CLSTN2: variants seen among roughly 807,000 people sequenced by gnomAD.
The protein encoded by CLSTN2 is calsyntenin-2.
In CLSTN2, 48 loss-of-function variants were observed where a neutral mutation model predicts 101.2. The observed-to-expected ratio is 0.47, with a 90% CI of 0.38 to 0.60. The LOEUF is 0.60. CLSTN2 is among the 20% of genes least tolerant of loss of function. The pLI, the probability that CLSTN2 is intolerant of heterozygous loss-of-function variation, is 0.00. For synonymous variants in CLSTN2, 481 were observed against 463.6 expected (o/e 1.04, Z -0.48); for missense variants, 1,160 against 1,238.2 (o/e 0.94, Z 0.95).
At chr3:140,077,243 C>T (rs1433989433) in intron 1 of CLSTN2, among the ~76,000 whole-genome samples, 4 of 152,182 alleles carry the variant, frequency 2.6e-5, no homozygotes, top group Non-Finnish European at 5.9e-5. Context: ...AGTCCTAGCT[C>T]TCTTCTGGGC....
chr3:140,117,819 C>T (rs1308798306), intron 1 of CLSTN2, among the ~76,000 whole-genome samples: 1 of 152,166 alleles, frequency 6.6e-6, no homozygotes, highest in South Asian at 2.1e-4. Flanking sequence ...GGTTACAGAG[C>T]TCAGGGCAGG....
chr3:140,448,570 T>A lies in CLSTN2; in HGVS notation c.839T>A (p.Phe280Tyr). 6.2e-7 allele frequency: 1 copy of A among 1,614,088 alleles called. No individual in the cohort carries two copies. Among genetic ancestry groups the A allele is most frequent in the Non-Finnish European group, 8.5e-7 (1 of 1,179,990 alleles). ...CCTGGCTCCGGGAGCATGCCCCTGTTCCCCAGCATCCACCTGGAGACGTGC... is the reference window on the plus strand; with the variant it reads ...CCTGGCTCCGGGAGCATGCCCCTGTACCCCAGCATCCACCTGGAGACGTGC... ...YQPGSGSMPL[F>Y]PSIHLETCDG... Residue 280 changes from phenylalanine to tyrosine, a missense_variant, in exon 6 of 17, where the codon TTC becomes TAC. Coordinates refer to ENST00000458420, the MANE Select transcript of CLSTN2 (RefSeq NM_022131.3).
intron 8 of CLSTN2, among the ~76,000 whole-genome samples, chr3:140,516,340 A>G (rs349564): frequency 1 from 152,287 of 152,310 alleles, 76,132 homozygotes; most frequent in Non-Finnish European, 1. Flanking sequence ...TTCAATATCA[A>G]TATTGATATG....
At chr3:139,974,564 A>G (rs1935778340) in intron 1 of CLSTN2, among the ~76,000 whole-genome samples, 1 of 152,220 alleles carries the variant, frequency 6.6e-6, no homozygotes, top group Non-Finnish European at 1.5e-5. Context: ...AGCTGCATTG[A>G]CTGAATTTAC....
At chr3:140,478,392 A>G (rs1359241300) in intron 8 of CLSTN2, among the ~76,000 whole-genome samples, 1 of 152,036 alleles carries the variant, frequency 6.6e-6, no homozygotes, top group Non-Finnish European at 1.5e-5. Context: ...GTGTCCATGT[A>G]TGAAATGCTA....
At chr3:140,205,567 G>A (rs1292294654) in intron 2 of CLSTN2, among the ~76,000 whole-genome samples, 1 of 151,374 alleles carries the variant, frequency 6.6e-6, no homozygotes, top group African/African-American at 2.4e-5. Flanking sequence ...AAGCCACAGA[G>A]GAGGTAAGGA....
chr3:140,305,322 A>C (rs1461206415), intron 2 of CLSTN2, among the ~76,000 whole-genome samples: 1 of 152,160 alleles, frequency 6.6e-6, no homozygotes, highest in Non-Finnish European at 1.5e-5. Context: ...ATCTCTTAAT[A>C]CTTTCAGAAA....
chr3:140,130,744 G>A (rs747644647), intron 1 of CLSTN2, among the ~76,000 whole-genome samples: 1 of 152,170 alleles, frequency 6.6e-6, no homozygotes, highest in Non-Finnish European at 1.5e-5. Flanking sequence ...GGCCTTCTCA[G>A]GGGAAGAAAG....
chr3:140,306,848 TTTA>T (rs57111372), intron 2 of CLSTN2, among the ~76,000 whole-genome samples: 59,019 of 141,762 alleles, frequency 0.42, 12,569 homozygotes, highest in Non-Finnish European at 0.46. Context: ...TTTTTGTCTT[TTTA>T]TTATTATTAT....
chr3:140,337,104 G>A (rs1292447572), intron 2 of CLSTN2, among the ~76,000 whole-genome samples: 2 of 152,298 alleles, frequency 1.3e-5, no homozygotes, highest in Non-Finnish European at 2.9e-5. Flanking sequence ...TACTTCTTGG[G>A]AGCTGTCACT....
chr3:140,167,403 G>A (rs1234342644), intron 1 of CLSTN2, among the ~76,000 whole-genome samples: 1 of 152,140 alleles, frequency 6.6e-6, no homozygotes, highest in East Asian at 1.9e-4. Context: ...GTAATCCTGG[G>A]TTAGCTTGAC....
Position 140,556,604 on chromosome 3 carries a change from A to G in CLSTN2, c.1766A>G (p.Asn589Ser). ...NRALQKVSYI[N>S]SRQFPTAGVR... ...GCTCTCCAGAAAGTCTCCTACATCA[A>G]CTCCAGGCAGTTCCCAACGGCGGGT... Residue 589 changes from asparagine to serine, a missense_variant, in exon 11 of 17, where the codon AAC becomes AGC. Physicochemically the swap from Asn to Ser is conservative, Grantham distance 46. Coordinates refer to ENST00000458420, the MANE Select transcript of CLSTN2 (RefSeq NM_022131.3). The G allele has an allele frequency of 6.2e-7, 1 of 1,613,970 alleles. No individual in the cohort carries two copies. The highest frequency in any genetic ancestry group is 8.5e-7 in the Non-Finnish European group (1 of 1,179,966).
chr3:140,133,757 A>G (rs1560105049), intron 1 of CLSTN2, among the ~76,000 whole-genome samples: 1 of 152,198 alleles, frequency 6.6e-6, no homozygotes, highest in Non-Finnish European at 1.5e-5. Context: ...AAGGTACTCA[A>G]TGCAGTGCAG....
intron 2 of CLSTN2, among the ~76,000 whole-genome samples, chr3:140,388,109 T>C (rs928371404): frequency 6.6e-6 from 1 of 152,214 alleles, no homozygotes; most frequent in African/African-American, 2.4e-5. Context: ...ATTAAAGTAA[T>C]GGAGATACAA....
intron 5 of CLSTN2, among the ~76,000 whole-genome samples, chr3:140,446,937 C>G (rs553141293): frequency 1.3e-4 from 20 of 152,252 alleles, no homozygotes; most frequent in African/African-American, 3.4e-4. Context: ...ACTGCTGTAC[C>G]CTTTGTACTC....
rs554988446 is a variant in CLSTN2, at chr3:140,404,835, A to G, written c.637+69A>G. The G allele has an allele frequency of 2.3e-6, 3 of 1,301,722 alleles. No homozygotes were observed. In the African/African-American group the frequency reaches 4.4e-5, roughly 19 times the overall value. The allele number at this position is 1,301,722 out of a possible 1,614,324, so 80.6% of individuals were successfully genotyped here. The stretch of plus-strand genomic sequence containing the variant: ...CCATCGCCTCCACTCTGAAGACCCA[A>G]CATGGGCTCTGAATATGCTTGGCAA... On this transcript the variant is annotated intron_variant, in intron 4 of 16. Coordinates refer to ENST00000458420, the MANE Select transcript of CLSTN2 (RefSeq NM_022131.3).
chr3:140,322,268 A>G (rs2087290992), intron 2 of CLSTN2, among the ~76,000 whole-genome samples: 1 of 152,228 alleles, frequency 6.6e-6, no homozygotes, highest in African/African-American at 2.4e-5. Flanking sequence ...TGAGATGGAA[A>G]CCAACACAGA....
intron 11 of CLSTN2, 46 bp downstream of exon 11, chr3:140,556,707 G>A: frequency 1.3e-6 from 2 of 1,596,624 alleles, no homozygotes; most frequent in Non-Finnish European, 8.6e-7. Context: ...GCAGCAGTTG[G>A]GAAGGTCCCA....
chr3:140,178,976 C>T (rs2010365966), intron 2 of CLSTN2, among the ~76,000 whole-genome samples: 2 of 152,100 alleles, frequency 1.3e-5, no homozygotes, highest in South Asian at 4.1e-4. Flanking sequence ...TTTCTCTTAT[C>T]TGTCTCCCCC....
Sources: allele counts gnomAD v4.1 joint callset (sites outside exome capture counted in the v4.1 genomes callset), GRCh38; gene constraint gnomAD v4.1.1; transcripts MANE v1.5; gene names NCBI Gene and HGNC (gene_info 2026-07-23, HGNC 2026-07-21).